Variants in FGD5 observed in about 807,000 individuals in gnomAD.
FGD5 encodes FYVE, RhoGEF and PH domain containing 5.
In FGD5, 28 loss-of-function variants were observed where a neutral mutation model predicts 133.4. The observed-to-expected ratio is 0.21, with a 90% confidence interval of 0.16 to 0.29. FGD5 has a LOEUF of 0.29. Ranked by LOEUF, FGD5 falls within the 10% of genes least tolerant of loss-of-function variation. The pLI, the probability that FGD5 is intolerant of heterozygous loss-of-function variation, is 1.00. For missense variants in FGD5, 1,858 were observed against 1,895.2 expected, an observed-to-expected ratio of 0.98 and a Z score of 0.36; for synonymous variants, 810 against 776.5, an observed-to-expected ratio of 1.04 and a Z score of -0.72.
chr3:14,844,217 A>AATATATAT (rs869290486), intron 1 of FGD5, among the ~76,000 whole-genome samples: 11 of 20,326 alleles, frequency 5.4e-4, no homozygotes, highest in African/African-American at 8.3e-4. Context: ...AAAAAAAAAA[A>AATATATAT]ATATATATAT....
chr3:14,907,641 A>G lies in FGD5; in HGVS notation c.3266A>G (p.Glu1089Gly), dbSNP rs1233034745. ...DRANDSMEQG[E>G]NLQKLVHIEH... ...CCCTCACCCCATTCCCACCCACAGG[A>G]AAACCTGCAGAAGCTGGTCCACATT... Residue 1089 changes from glutamate (E) to glycine (G), a missense_variant and splice_region_variant, in exon 10 of 20, where the codon GAA becomes GGA. This residue lies in a region of FGD5 where 1,824 missense variants were observed against 1,848.9 expected (regional missense o/e 0.99). Transcript: ENST00000285046. 2 of 1,613,392 alleles carry G rather than the reference A, an allele frequency of 1.2e-6. No individual in the cohort carries two copies. Among genetic ancestry groups the G allele is most frequent in the African/African-American group, 1.3e-5 (1 of 75,002 alleles).
chr3:14,885,748 G>A (rs1047252817), intron 4 of FGD5, among the ~76,000 whole-genome samples: 7 of 152,312 alleles, frequency 4.6e-5, no homozygotes, highest in African/African-American at 1.2e-4. Flanking sequence ...TCTGGCCTTG[G>A]AAGTCCTATA....
At chr3:14,923,953 A>G in intron 16 of FGD5, 55 bp from the exon 17 acceptor site, 1 of 1,605,916 alleles carries the variant, frequency 6.2e-7, no homozygotes, top group Non-Finnish European at 8.5e-7. Context: ...TGTTCCAAAG[A>G]CAAGCCGCAG....
At chr3:14,813,653 G>T (rs1359579634) in intron 1 of FGD5, among the ~76,000 whole-genome samples, 1 of 152,124 alleles carries the variant, frequency 6.6e-6, no homozygotes, top group Non-Finnish European at 1.5e-5. Context: ...CTGACTGACT[G>T]GTCCCGTCCC....
Position 14,819,275 on chromosome 3 carries a change from C to G in FGD5, c.204C>G (p.Val68=). 1 of 1,531,282 alleles carries G rather than the reference C, an allele frequency of 6.5e-7. No individual in the cohort carries two copies. The highest frequency in any genetic ancestry group is 8.8e-7 in the Non-Finnish European group (1 of 1,136,716). 94.9% of individuals were successfully genotyped at this position (1,531,282 alleles called of 1,614,324 possible). ...AGACCGACGAGGATTACATCGTGGT[C>G]CCCAGGGTTCCGCTGAGGGAGGATG... The part of the protein sequence containing the change: ...ESETDEDYIV[V]PRVPLREDEP... Residue 68 remains valine, a synonymous_variant, in exon 1 of 20, where the codon GTC becomes GTG. Transcript: ENST00000285046. This position sits in a 1 kb window ranked among gnomAD's most constrained non-coding sequence, Gnocchi z 4.1.
intron 1 of FGD5, among the ~76,000 whole-genome samples, chr3:14,846,585 C>T (rs376898685): frequency 5.9e-5 from 9 of 152,246 alleles, no homozygotes; most frequent in East Asian, 1.9e-4. Context: ...CCCAGGTCCA[C>T]GGGGGAGTTG....
At chr3:14,905,172 A>G (rs778338140) in intron 9 of FGD5, among the ~76,000 whole-genome samples, 17 of 152,202 alleles carry the variant, frequency 1.1e-4, no homozygotes, top group Middle Eastern at 3.4e-3. Flanking sequence ...AGAAACCTGG[A>G]TGGACAGTTT....
intron 11 of FGD5, among the ~76,000 whole-genome samples, chr3:14,915,774 A>C (rs2038542625): frequency 6.7e-6 from 1 of 150,246 alleles, no homozygotes; most frequent in South Asian, 2.1e-4. Flanking sequence ...TCCCAGGTGG[A>C]CAGGGCTCAC....
intron 1 of FGD5, among the ~76,000 whole-genome samples, chr3:14,823,264 A>G (rs745863451): frequency 3.9e-5 from 6 of 152,074 alleles, no homozygotes; most frequent in Admixed American, 6.6e-5. Context: ...CTGGTCAGAG[A>G]CCGCCCACCT....
chr3:14,909,703 A>C (rs907138215), intron 10 of FGD5, among the ~76,000 whole-genome samples: 2 of 152,124 alleles, frequency 1.3e-5, no homozygotes, highest in Non-Finnish European at 2.9e-5. Flanking sequence ...AAGTACATAC[A>C]CAGTGCTTAC....
chr3:14,907,730 G>A lies in FGD5; in HGVS notation c.3336+19G>A. The A allele has an allele frequency of 6.2e-7, 1 of 1,612,172 alleles. No homozygotes were observed. Among genetic ancestry groups the A allele is most frequent in the Non-Finnish European group, 8.5e-7 (1 of 1,178,604 alleles). On this transcript the variant is annotated intron_variant, in intron 10 of 19. Transcript: ENST00000285046. ...AGGAAGGGTGAGTGCCGCCACCATG[G>A]GTAGGGGCAGAGGGTGGCTGGGCGA...
chr3:14,926,324 C>A, intron 18 of FGD5, 126 bp downstream of exon 18: 1 of 1,300,218 alleles, frequency 7.7e-7, no homozygotes, highest in Non-Finnish European at 1.1e-6. Flanking sequence ...TGGTGGCAGT[C>A]AAGTCTTTAG....
At chr3:14,880,493 C>CT in intron 2 of FGD5, 79 bp from the exon 3 acceptor site, 1 of 1,413,302 alleles carries the variant, frequency 7.1e-7, no homozygotes, top group Non-Finnish European at 9.8e-7. Flanking sequence ...ATGCTTGGAA[C>CT]TTGCCTCCAG....
At chr3:14,859,401 T>TA (rs2037352013) in intron 1 of FGD5, among the ~76,000 whole-genome samples, 1 of 151,772 alleles carries the variant, frequency 6.6e-6, no homozygotes, top group Non-Finnish European at 1.5e-5. Flanking sequence ...TATTAAAAAA[T>TA]ACAAAAATTA....
rs140641775 is a variant in FGD5 at position 14,911,535 on chromosome 3, C to T, written c.3405+606C>T. ...TCTGCTTTCATTCCTTGTTCCTGTC[C>T]GCCATGGCTGCCTCTCCCAGCTTCC... On this transcript the variant is annotated intron_variant, in intron 11 of 19. Transcript: ENST00000285046. 1.5e-4 allele frequency among the ~76,000 whole-genome samples: 23 copies of T among 152,068 alleles called. 1 individual carries two copies. The highest frequency in any genetic ancestry group is 4.1e-4 in the African/African-American group (17 of 41,478).
chr3:14,880,922 C>T lies in FGD5; in HGVS notation c.2748+150C>T, dbSNP rs183517626. Reference sequence around the variant, plus strand: ...ACTCACCGACGCTTTTCAGGGAAGTCCGTCTCCTGATTAATGTGCTTCCGG... The same window carrying T: ...ACTCACCGACGCTTTTCAGGGAAGTTCGTCTCCTGATTAATGTGCTTCCGG... On this transcript the variant is annotated intron_variant, in intron 4 of 19. Transcript: ENST00000285046. 2.0e-3 allele frequency: 2,066 copies of T among 1,024,896 alleles called. 10 individuals carry two copies. The highest frequency in any genetic ancestry group is 3.2e-3 in the Middle Eastern group (12 of 3,702). 63.5% of individuals were successfully genotyped at this position (1,024,896 alleles called of 1,614,324 possible).
intron 1 of FGD5, among the ~76,000 whole-genome samples, chr3:14,850,787 G>A (rs183354068): frequency 2.0e-5 from 3 of 152,016 alleles, no homozygotes; most frequent in African/African-American, 7.3e-5. Context: ...ACCTTGGTTG[G>A]GGGGGCAGTG....
At chr3:14,904,101 C>G (rs2038293048) in intron 9 of FGD5, among the ~76,000 whole-genome samples, 1 of 152,228 alleles carries the variant, frequency 6.6e-6, no homozygotes, top group Non-Finnish European at 1.5e-5. Context: ...GGATTTACCA[C>G]TGTTGATGTT....
intron 11 of FGD5, among the ~76,000 whole-genome samples, chr3:14,912,818 C>G (rs1489901483): frequency 1.3e-5 from 2 of 152,098 alleles, no homozygotes; most frequent in Non-Finnish European, 2.9e-5. Flanking sequence ...AGGCGGGTCA[C>G]AAGGTCTGGA....
Sources: gnomAD v4.1 joint callset for allele counts (sites outside exome capture counted in the v4.1 genomes callset) on GRCh38, gnomAD v4.1.1 for gene constraint, gnomAD v4.1.1 regional missense constraint, Gnocchi (gnomAD v3.1) non-coding constraint, MANE v1.5 for transcripts, NCBI Gene and HGNC (gene_info 2026-07-23, HGNC 2026-07-21) for gene names.